The following SENP6 variants were observed in gnomAD, a reference collection of about 807,000 sequenced individuals.
SENP6 encodes sentrin-specific protease 6.
Under a neutral mutation model 134.5 loss-of-function variants are expected in SENP6, and 41 were observed. That is an observed-to-expected ratio of 0.30 (90% CI 0.24 to 0.40). The LOEUF is 0.40. Ranked by LOEUF, SENP6 falls within the 10% of genes least tolerant of loss-of-function variation. SENP6 has a pLI of 1.00. For missense variants in SENP6, 1,248 were observed against 1,312.5 expected (o/e 0.95, Z 0.76); for synonymous variants, 395 against 429.8 (o/e 0.92, Z 1.00).
chr6:75,641,315 TTAG>T (rs1287944046), intron 6 of SENP6, among the ~76,000 whole-genome samples: 1 of 152,326 alleles, frequency 6.6e-6, no homozygotes, highest in South Asian at 2.1e-4. Flanking sequence ...TTTCAGTGCT[TTAG>T]TAGTAAAATT....
At chr6:75,652,844 T>G (rs1771006017) in intron 7 of SENP6, among the ~76,000 whole-genome samples, 1 of 152,126 alleles carries the variant, frequency 6.6e-6, no homozygotes, top group African/African-American at 2.4e-5. Context: ...CAAAATGTTT[T>G]TCTTATATTT....
Position 75,675,920 on chromosome 6 carries a change from G to A in SENP6, c.1487G>A (p.Trp496Ter). 1 of 1,611,892 alleles carries A rather than the reference G, an allele frequency of 6.2e-7. No homozygotes were observed. Residue 496 changes from tryptophan (W) to a stop codon, truncating the protein, a stop_gained, in exon 13 of 24, where the codon TGG becomes TAG. Transcript: ENST00000447266. LOFTEE classifies it high-confidence loss of function. ...LNTSDLTKCE[W>*]CNVRKLPVVF... The stretch of plus-strand genomic sequence containing the variant: ...ACCTCTGATCTAACTAAATGTGAAT[G>A]GTGTAATGTCCGAAAATTACCTGTA...
At chr6:75,671,812 T>C (rs1229217799) in intron 11 of SENP6, among the ~76,000 whole-genome samples, 1 of 152,168 alleles carries the variant, frequency 6.6e-6, no homozygotes, top group Non-Finnish European at 1.5e-5. Flanking sequence ...CTGTTTCTTT[T>C]CTGGTAAAGG....
intron 3 of SENP6, among the ~76,000 whole-genome samples, chr6:75,624,604 A>G (rs1366450108): frequency 6.6e-6 from 1 of 152,130 alleles, no homozygotes; most frequent in South Asian, 2.1e-4. Context: ...GTGTAGTTTT[A>G]ATTTCCATTT....
rs765612530 is a variant in SENP6, at chr6:75,702,808, T to C, written c.2452T>C (p.Ser818Pro). 7 of 1,613,992 alleles carry C rather than the reference T, an allele frequency of 4.3e-6. No homozygotes were observed. Among genetic ancestry groups the C allele is most frequent in the Middle Eastern group, 3.3e-4 (2 of 6,082 alleles). Residue 818 changes from serine (S) to proline (P), a missense_variant, in exon 19 of 24, where the codon TCT (serine) becomes CCT (proline). Physicochemically the swap from Ser to Pro is moderately conservative, Grantham distance 74 (BLOSUM62 -1). Transcript: ENST00000447266. ...ASEMESCSQN[S>P]SAKPVIKKML... ...TGAAATGGAGAGTTGTTCACAAAAC[T>C]CTTCTGCCAAGCCTGTAATTAAGAA...
At chr6:75,701,405 A>C (rs1775015676) in intron 18 of SENP6, among the ~76,000 whole-genome samples, 1 of 152,164 alleles carries the variant, frequency 6.6e-6, no homozygotes, top group Non-Finnish European at 1.5e-5. Context: ...CTCTCTACTA[A>C]TACTTAAATT....
At chr6:75,703,164 T>TC in intron 19 of SENP6, 92 bp downstream of exon 19, 1 of 1,119,996 alleles carries the variant, frequency 8.9e-7, no homozygotes, top group Non-Finnish European at 1.3e-6. Flanking sequence ...TAAAAAAAAA[T>TC]CAGGTTAATG....
intron 21 of SENP6, 48 bp downstream of exon 21, chr6:75,711,464 C>A: frequency 1.6e-6 from 2 of 1,239,436 alleles, no homozygotes; most frequent in South Asian, 1.4e-5. Context: ...TTTAAGTATG[C>A]TCATAAAACA....
At chr6:75,633,370 T>TA (rs1382027758) in intron 3 of SENP6, among the ~76,000 whole-genome samples, 6 of 152,206 alleles carry the variant, frequency 3.9e-5, no homozygotes, top group African/African-American at 1.4e-4. Flanking sequence ...AAGAAAGTAA[T>TA]ACAATAAACC....
At chr6:75,607,558 A>T (rs996912313) in intron 1 of SENP6, among the ~76,000 whole-genome samples, 1 of 150,558 alleles carries the variant, frequency 6.6e-6, no homozygotes, top group Admixed American at 6.6e-5. Context: ...TTTTTTTTTT[A>T]ACCAAGTGAA....
chr6:75,671,814 T>C (rs1772700792), intron 11 of SENP6, among the ~76,000 whole-genome samples: 1 of 152,188 alleles, frequency 6.6e-6, no homozygotes. Flanking sequence ...GTTTCTTTTC[T>C]GGTAAAGGTT....
chr6:75,627,722 C>A (rs773945704), intron 3 of SENP6, among the ~76,000 whole-genome samples: 1 of 152,114 alleles, frequency 6.6e-6, no homozygotes, highest in Non-Finnish European at 1.5e-5. Flanking sequence ...GTCACCCAGG[C>A]CAGAGGGCAG....
chr6:75,666,981 C>G, intron 10 of SENP6, 40 bp downstream of exon 10: 1 of 1,407,318 alleles, frequency 7.1e-7, no homozygotes, highest in Non-Finnish European at 9.8e-7. Flanking sequence ...AGATTAATGC[C>G]TCCATTTTGG....
intron 6 of SENP6, among the ~76,000 whole-genome samples, chr6:75,645,089 G>C (rs1359406190): frequency 6.6e-6 from 1 of 152,096 alleles, no homozygotes; most frequent in Non-Finnish European, 1.5e-5. Context: ...TAAAAATCTT[G>C]GGTTTATGAA....
chr6:75,665,703 G>A (rs994075537), intron 9 of SENP6, among the ~76,000 whole-genome samples: 2 of 152,308 alleles, frequency 1.3e-5, no homozygotes, highest in Admixed American at 6.5e-5. Context: ...GACCAGTTAA[G>A]ATTTTAGTAG....
At position 75,703,043 on chromosome 6, in the gene SENP6, A is replaced by G. The variant is rs747722444; in HGVS notation, c.2687A>G (p.Asn896Ser). 1.9e-6 allele frequency: 3 copies of G among 1,609,914 alleles called. No individual in the cohort carries two copies. Among genetic ancestry groups the G allele is most frequent in the South Asian group, 1.1e-5 (1 of 89,986 alleles). The change falls in exon 19 of 24, where the codon AAT becomes AGT. Residue 896 changes from asparagine (N) to serine (S), a missense_variant. Transcript: ENST00000447266. ...DRTKSENGLQ[N>S]ESLSSTHHTD... ...ACTAAAAGTGAGAATGGCCTACAGA[A>G]TGAAAGTTTAAGTTCCACACATCAT...
intron 2 of SENP6, 109 bp from the exon 3 acceptor site, chr6:75,623,791 A>G: frequency 3.4e-6 from 3 of 892,020 alleles, no homozygotes; most frequent in Non-Finnish European, 3.4e-6. Flanking sequence ...CTTTACAGAA[A>G]AAGTTTGCTG....
intron 19 of SENP6, among the ~76,000 whole-genome samples, chr6:75,704,967 G>C (rs886141604): frequency 6.6e-6 from 1 of 152,208 alleles, no homozygotes; most frequent in Non-Finnish European, 1.5e-5. Context: ...AGGGCAAAGT[G>C]GTTGGGGCAA....
Position 75,659,363 on chromosome 6 carries a change from C to G in SENP6, c.652C>G (p.Pro218Ala). ...ACACTGTAGTACCTATCAGCCTACT[C>G]CTCCTCTATCTCCTGCTTCAAAAAA... ...KRHCSTYQPT[P>A]PLSPASKKCL... The change falls in exon 8 of 24, where the codon CCT becomes GCT. Residue 218 changes from proline (P) to alanine (A), a missense_variant. Around this residue, in one of 3 missense-constraint regions of SENP6, gnomAD observed 733 missense variants for 725.4 expected, o/e 1.01. Coordinates refer to ENST00000447266, the MANE Select transcript of SENP6 (RefSeq NM_015571.4). 6.2e-7 allele frequency: 1 copy of G among 1,610,798 alleles called. No individual in the cohort carries two copies. Among genetic ancestry groups the G allele is most frequent in the South Asian group, 1.1e-5 (1 of 90,660 alleles).
Sources: gnomAD v4.1 joint callset for allele counts (sites outside exome capture counted in the v4.1 genomes callset) on GRCh38, gnomAD v4.1.1 for gene constraint, gnomAD v4.1.1 regional missense constraint, MANE v1.5 for transcripts, NCBI Gene and HGNC (gene_info 2026-07-23, HGNC 2026-07-21) for gene names.